TASP1: variants seen among roughly 807,000 people sequenced by gnomAD.
The protein encoded by TASP1 is taspase 1, also known as threonine aspartase 1.
A neutral mutation model predicts 56.6 loss-of-function variants in TASP1; 16 were observed. That is an observed-to-expected ratio of 0.28 (90% CI 0.19 to 0.43). The LOEUF is 0.43. TASP1 is among the 20% of genes least tolerant of loss of function. The probability of loss-of-function intolerance (pLI) is 1.00; values close to 1 mark genes in which losing one functional copy is unlikely to be tolerated. For missense variants in TASP1, 393 were observed against 511.6 expected (o/e 0.77, Z 2.24); for synonymous variants, 179 against 184.2 (o/e 0.97, Z 0.23).
chr20:13,351,679 T>C, the TASP1 span, among the ~76,000 whole-genome samples: 1 of 152,338 alleles, frequency 6.6e-6, no homozygotes, highest in African/African-American at 2.4e-5. Context: ...GGGGGGCTGT[T>C]GGAACTGTCT....
the TASP1 span, among the ~76,000 whole-genome samples, chr20:13,319,087 C>T: frequency 2.6e-5 from 4 of 152,032 alleles, no homozygotes; most frequent in East Asian, 3.9e-4. Context: ...TGGAAGATGT[C>T]GATAGTCAGA....
chr20:13,538,665 C>G (rs1429708820), intron 8 of TASP1, among the ~76,000 whole-genome samples: 1 of 152,158 alleles, frequency 6.6e-6, no homozygotes, highest in African/African-American at 2.4e-5. Context: ...GACATCTAGA[C>G]CTAGCTCTAT....
At chr20:13,330,317 G>T in the TASP1 span, among the ~76,000 whole-genome samples, 2 of 152,130 alleles carry the variant, frequency 1.3e-5, no homozygotes, top group African/African-American at 4.8e-5. Flanking sequence ...TCTCTCAATT[G>T]TTAACATGTG....
the TASP1 span, among the ~76,000 whole-genome samples, chr20:13,293,207 CAAAAAAA>C: frequency 5.7e-5 from 5 of 87,448 alleles, no homozygotes; most frequent in Non-Finnish European, 1.2e-4. Context: ...GACTCCGTCT[CAAAAAAA>C]AAAAAAAAAA....
At chr20:13,194,753 G>A in the TASP1 span, among the ~76,000 whole-genome samples, 1 of 152,000 alleles carries the variant, frequency 6.6e-6, no homozygotes, top group Non-Finnish European at 1.5e-5. Flanking sequence ...TCTTATCTCA[G>A]CCATTTAGTT....
chr20:13,145,325 G>A, the TASP1 span, among the ~76,000 whole-genome samples: 2 of 152,072 alleles, frequency 1.3e-5, no homozygotes, highest in Admixed American at 1.3e-4. Flanking sequence ...AAAATCACTA[G>A]CATTTCTATA....
At chr20:13,576,016 A>G (rs958280952) in intron 6 of TASP1, among the ~76,000 whole-genome samples, 1 of 152,042 alleles carries the variant, frequency 6.6e-6, no homozygotes, top group Non-Finnish European at 1.5e-5. Flanking sequence ...GTTCGAGATC[A>G]GCCTGGCCAA....
At chr20:13,142,772 G>A in the TASP1 span, among the ~76,000 whole-genome samples, 9 of 152,152 alleles carry the variant, frequency 5.9e-5, no homozygotes, top group African/African-American at 1.7e-4. Context: ...TTTTGGGGCT[G>A]TAGGACTGAG....
At chr20:13,148,421 G>T in the TASP1 span, among the ~76,000 whole-genome samples, 1 of 152,104 alleles carries the variant, frequency 6.6e-6, no homozygotes, top group Non-Finnish European at 1.5e-5. Flanking sequence ...CACCCTCAGG[G>T]GTGGGGTCGA....
the TASP1 span, among the ~76,000 whole-genome samples, chr20:13,382,970 G>T: frequency 2.6e-5 from 4 of 152,314 alleles, no homozygotes; most frequent in African/African-American, 9.6e-5. Context: ...AGCTGAAGGA[G>T]ATGAGGGAAG....
At chr20:13,332,098 C>T in the TASP1 span, among the ~76,000 whole-genome samples, 1 of 152,094 alleles carries the variant, frequency 6.6e-6, no homozygotes, top group Admixed American at 6.5e-5. Context: ...CTGTAGACCA[C>T]AAAAAGATTT....
At chr20:13,625,723 G>A (rs941865042) in intron 2 of TASP1, among the ~76,000 whole-genome samples, 9 of 152,166 alleles carry the variant, frequency 5.9e-5, no homozygotes, top group Non-Finnish European at 1.0e-4. Context: ...TGAAGTTGAG[G>A]TGTCTTACAT....
chr20:13,522,744 T>G (rs1023783691), intron 10 of TASP1, among the ~76,000 whole-genome samples: 1 of 152,092 alleles, frequency 6.6e-6, no homozygotes, highest in African/African-American at 2.4e-5. Context: ...GCCATCAGAC[T>G]GGATGAGACA....
At chr20:13,310,161 G>A in the TASP1 span, among the ~76,000 whole-genome samples, 2 of 152,142 alleles carry the variant, frequency 1.3e-5, no homozygotes, top group Admixed American at 1.3e-4. Context: ...GAACAAAGCT[G>A]GAAGTATAAC....
At chr20:13,295,717 G>A in the TASP1 span, among the ~76,000 whole-genome samples, 1 of 152,248 alleles carries the variant, frequency 6.6e-6, no homozygotes, top group Admixed American at 6.5e-5. Context: ...AAAGAAGAAA[G>A]GAAGGCAGGC....
chr20:13,266,709 G>A, the TASP1 span, among the ~76,000 whole-genome samples: 52 of 152,342 alleles, frequency 3.4e-4, no homozygotes, highest in African/African-American at 1.1e-3. Context: ...GAATGGTCAT[G>A]ATGCTTTCCT....
At chr20:13,202,045 G>A in the TASP1 span, among the ~76,000 whole-genome samples, 2 of 152,106 alleles carry the variant, frequency 1.3e-5, no homozygotes, top group Non-Finnish European at 2.9e-5. Context: ...GAGCCACCGC[G>A]CCTGGCAGAT....
the TASP1 span, among the ~76,000 whole-genome samples, chr20:13,326,212 C>T: frequency 6.6e-6 from 1 of 152,090 alleles, no homozygotes; most frequent in East Asian, 1.9e-4. Flanking sequence ...ATCCACTCGC[C>T]TACTAAAGGA....
chr20:13,130,008 G>A, the TASP1 span, among the ~76,000 whole-genome samples: 1 of 152,090 alleles, frequency 6.6e-6, no homozygotes, highest in African/African-American at 2.4e-5. Context: ...GAGAATGAGG[G>A]AGAAATATAG....
Sources: gnomAD v4.1 joint callset for allele counts (sites outside exome capture counted in the v4.1 genomes callset) on GRCh38, gnomAD v4.1.1 for gene constraint, MANE v1.5 for transcripts, NCBI Gene and HGNC (gene_info 2026-07-23, HGNC 2026-07-21) for gene names.